PHEX: variants seen among roughly 807,000 people sequenced by gnomAD.
PHEX encodes phosphate-regulating neutral endopeptidase PHEX.
A neutral mutation model predicts 68.0 loss-of-function variants in PHEX; 16 were observed. That is an observed-to-expected ratio of 0.24 (90% CI 0.16 to 0.36). The LOEUF (loss-of-function observed/expected upper bound fraction) is 0.36. Ranked by LOEUF, PHEX falls within the 10% of genes least tolerant of loss-of-function variation. PHEX has a pLI of 1.00. For synonymous variants in PHEX, 208 were observed against 205.1 expected, an observed-to-expected ratio of 1.01 and a Z score of -0.12; for missense variants, 480 against 575.5, an observed-to-expected ratio of 0.83 and a Z score of 1.70.
intron 18 of PHEX, among the ~76,000 whole-genome samples, chrX:22,225,601 T>C (rs1935466421): frequency 8.9e-6 from 1 of 112,408 alleles, no homozygotes; most frequent in Admixed American, 9.4e-5. Flanking sequence ...TGCATGGGCA[T>C]GGCTGTGTCC....
At chrX:22,050,695 TTTTG>T (rs751026483) in intron 3 of PHEX, among the ~76,000 whole-genome samples, 4 of 111,456 alleles carry the variant, frequency 3.6e-5, no homozygotes, top group Admixed American at 9.6e-5. Flanking sequence ...CGTACACTTT[TTTTG>T]TTTGTTTGTT....
intron 12 of PHEX, among the ~76,000 whole-genome samples, chrX:22,160,882 C>T (rs1049377737): frequency 9.0e-6 from 1 of 110,830 alleles, no homozygotes; most frequent in African/African-American, 3.3e-5. Context: ...ACCTGTAATC[C>T]CAGCACTTTG....
intron 15 of PHEX, among the ~76,000 whole-genome samples, chrX:22,202,825 A>G (rs774583663): frequency 2.2e-3 from 245 of 111,925 alleles, no homozygotes; most frequent in Non-Finnish European, 3.7e-3. Flanking sequence ...GAAGGAAATT[A>G]GTGTTTTCTT....
chrX:22,250,410 G>T lies in PHEX; in HGVS notation c.*2457G>T, dbSNP rs979833561. 1 of 111,799 alleles carries T rather than the reference G, an allele frequency of 8.9e-6. No individual in the cohort carries two copies. The highest frequency in any genetic ancestry group is 2.8e-4 in the East Asian group (1 of 3,581). 9.2% of individuals were successfully genotyped at this position (111,799 alleles called of 1,213,427 possible). A position where few individuals can be genotyped will look rare whatever the true frequency, so the allele number is the denominator to read the frequency against. On this transcript the variant is annotated 3_prime_UTR_variant, in exon 22 of 22. Transcript: ENST00000379374. Reference sequence around the variant, plus strand: ...CATTCCTTGCTAAGCACGTTCAATGGAGGAGAGCCATGAAGTTTTACAAAA... The same window carrying T: ...CATTCCTTGCTAAGCACGTTCAATGTAGGAGAGCCATGAAGTTTTACAAAA...
chrX:22,223,191 A>ATTAT, intron 18 of PHEX, among the ~76,000 whole-genome samples: 1 of 112,079 alleles, frequency 8.9e-6, no homozygotes, highest in African/African-American at 3.2e-5. Flanking sequence ...GCCATGCTTT[A>ATTAT]TTATTTTTCT....
At position 22,068,991 on chromosome X, in the gene PHEX, T is replaced by C. The variant is rs147098462; in HGVS notation, c.350-7397T>C. On this transcript the variant is annotated intron_variant, in intron 3 of 21. Coordinates refer to ENST00000379374, the MANE Select transcript of PHEX (RefSeq NM_000444.6). ...ACTAAAAACATACAAAAAAATTAGC[T>C]GGGCGTGGTAGCACGTGCCTGTAAT... Among the ~76,000 whole-genome samples, 957 of 111,335 alleles carry C rather than the reference T, an allele frequency of 8.6e-3. 9 individuals carry two copies. The highest frequency in any genetic ancestry group is 0.03 in the African/African-American group (908 of 30,609).
intron 7 of PHEX, among the ~76,000 whole-genome samples, 167 bp downstream of exon 7, chrX:22,094,266 T>C (rs1930037200): frequency 8.9e-6 from 1 of 112,227 alleles, no homozygotes; most frequent in South Asian, 3.7e-4. Context: ...GTAGAACTAA[T>C]AGCATCCCCT....
intron 12 of PHEX, among the ~76,000 whole-genome samples, chrX:22,168,077 A>C (rs754586747): frequency 9.0e-6 from 1 of 110,845 alleles, no homozygotes; most frequent in East Asian, 2.8e-4. Flanking sequence ...ATTTCTATTA[A>C]ATTTTTTATT....
At chrX:22,238,797 G>C (rs1030183667) in intron 20 of PHEX, among the ~76,000 whole-genome samples, 3 of 111,923 alleles carry the variant, frequency 2.7e-5, no homozygotes, top group Admixed American at 9.4e-5. Context: ...AGAGCATCTA[G>C]GGGAAGGGGC....
At chrX:22,082,340 T>G (rs2147026188) in intron 5 of PHEX, among the ~76,000 whole-genome samples, 1 of 112,245 alleles carries the variant, frequency 8.9e-6, no homozygotes, top group South Asian at 3.7e-4. Context: ...TATAAGAGTT[T>G]CTTTTTCCTT....
chrX:22,247,133 C>T (rs1230373859), intron 21 of PHEX, among the ~76,000 whole-genome samples: 1 of 112,223 alleles, frequency 8.9e-6, no homozygotes, highest in Middle Eastern at 4.2e-3. Flanking sequence ...TCAGTAATAA[C>T]TAGATACCAT....
chrX:22,144,420 A>G (rs1198548674), intron 12 of PHEX, among the ~76,000 whole-genome samples: 1 of 111,568 alleles, frequency 9.0e-6, no homozygotes, highest in Admixed American at 9.6e-5. Flanking sequence ...GTACGCAAAA[A>G]TGTACATAAC....
intron 12 of PHEX, among the ~76,000 whole-genome samples, chrX:22,150,214 A>G (rs1204374980): frequency 5.3e-5 from 6 of 112,333 alleles, no homozygotes; most frequent in African/African-American, 1.9e-4. Flanking sequence ...TACTGGAGCA[A>G]TGCTTCTGCA....
chrX:22,231,294 T>C (rs1369531211), intron 20 of PHEX, among the ~76,000 whole-genome samples: 1 of 111,795 alleles, frequency 8.9e-6, no homozygotes, highest in Non-Finnish European at 1.9e-5. Context: ...ATAAAATGAG[T>C]TAGGGAGGAT....
chrX:22,064,413 G>A (rs1163290340), intron 3 of PHEX, among the ~76,000 whole-genome samples: 2 of 111,828 alleles, frequency 1.8e-5, no homozygotes, highest in Non-Finnish European at 3.8e-5. Flanking sequence ...TTGGTTTTCT[G>A]TTCCTGCATT....
At chrX:22,127,859 C>T (rs763820896) in intron 11 of PHEX, among the ~76,000 whole-genome samples, 3 of 110,008 alleles carry the variant, frequency 2.7e-5, no homozygotes, top group East Asian at 5.7e-4. Context: ...AGTGAGTTAC[C>T]GAAGTGTGGA....
chrX:22,090,521 A>C, intron 6 of PHEX, 24 bp downstream of exon 6: 5 of 1,091,010 alleles, frequency 4.6e-6, no homozygotes, highest in Non-Finnish European at 6.4e-6. Flanking sequence ...ATATTCAACT[A>C]TGTGCCTTAC....
In PHEX at chrX:22,221,607, T is replaced by G. The variant is rs1303208644; in HGVS notation, c.1769-6T>G. The G allele has an allele frequency of 1.7e-6, 2 of 1,195,502 alleles. No individual in the cohort carries two copies. The highest frequency in any genetic ancestry group is 2.3e-6 in the Non-Finnish European group (2 of 882,162). ...ACAAATGTCTTCGAACTTTTCCTTTTGCTAGGTAGAAAATATGATAAAAAT... is the reference window on the plus strand; with the variant it reads ...ACAAATGTCTTCGAACTTTTCCTTTGGCTAGGTAGAAAATATGATAAAAAT... On this transcript the variant is annotated splice_region_variant and splice_polypyrimidine_tract_variant and intron_variant, in intron 17 of 21. Transcript: ENST00000379374.
intron 8 of PHEX, among the ~76,000 whole-genome samples, chrX:22,097,501 T>C (rs1930194792): frequency 1.8e-5 from 2 of 111,651 alleles, no homozygotes; most frequent in Non-Finnish European, 3.8e-5. Flanking sequence ...CTAACTCTTT[T>C]ACTAGGAAAA....
Sources: gnomAD v4.1 joint callset for allele counts (sites outside exome capture counted in the v4.1 genomes callset) on GRCh38, gnomAD v4.1.1 for gene constraint, MANE v1.5 for transcripts, NCBI Gene and HGNC (gene_info 2026-07-23, HGNC 2026-07-21) for gene names.